Variants in CD247 observed in about 807,000 individuals in gnomAD.
The protein encoded by CD247 is T-cell surface glycoprotein CD3 zeta chain.
Under a neutral mutation model 30.0 loss-of-function variants are expected in CD247, and 13 were observed. That is an observed-to-expected ratio of 0.43 (90% CI 0.28 to 0.69). The LOEUF is 0.69. Ranked by LOEUF, CD247 falls within the 30% of genes least tolerant of loss-of-function variation. CD247 has a pLI of 0.16. For synonymous variants in CD247, 72 were observed against 80.0 expected, an observed-to-expected ratio of 0.90 and a Z score of 0.53; for missense variants, 193 against 212.6, an observed-to-expected ratio of 0.91 and a Z score of 0.57.
chr1:167,485,548 C>T (rs997904474), intron 1 of CD247, among the ~76,000 whole-genome samples: 1 of 152,082 alleles, frequency 6.6e-6, no homozygotes, highest in African/African-American at 2.4e-5. Context: ...ACTCACACAC[C>T]TGCCTTTCCT....
rs1046881843 is a variant in CD247, at chr1:167,434,766, C to T, written c.336+633G>A. On this transcript the variant is annotated intron_variant, in intron 5 of 7. Transcript: ENST00000362089. ...GGGTTTGGGGAGGGAAGGGAGATTA[C>T]TCGGCACTTTTCAGCTAAGGAGACT... 1.8e-4 allele frequency: 80 copies of T among 454,712 alleles called. 1 individual carries two copies. Among genetic ancestry groups the T allele is most frequent in the Admixed American group, 1.5e-3 (65 of 42,558 alleles). The allele number at this position is 454,712 out of a possible 1,614,324, so 28.2% of individuals were successfully genotyped here. A position where few individuals can be genotyped will look rare whatever the true frequency, so the allele number is the denominator to read the frequency against.
chr1:167,496,093 TC>T (rs777326121), intron 1 of CD247, among the ~76,000 whole-genome samples: 3 of 152,240 alleles, frequency 2.0e-5, no homozygotes, highest in Non-Finnish European at 2.9e-5. Flanking sequence ...CCTAGACTGT[TC>T]CTGCTACATA....
At chr1:167,479,867 A>G (rs1214611) in intron 1 of CD247, among the ~76,000 whole-genome samples, 82,473 of 152,052 alleles carry the variant, frequency 0.54, 22,763 homozygotes, top group South Asian at 0.66. Flanking sequence ...CAAATAATTT[A>G]GCACAACTGC....
At chr1:167,508,548 C>A (rs181670925) in intron 1 of CD247, among the ~76,000 whole-genome samples, 1 of 152,098 alleles carries the variant, frequency 6.6e-6, no homozygotes, top group Non-Finnish European at 1.5e-5. Flanking sequence ...CCAATGAAAC[C>A]CAAAGAAAAC....
rs544435120 is a variant in CD247 at position 167,458,992 on chromosome 1, G to A, written c.59-18225C>T. 4.0e-5 allele frequency among the ~76,000 whole-genome samples: 6 copies of A among 151,754 alleles called. No homozygotes were observed. In the South Asian group the frequency reaches 1.3e-3, roughly 32 times the overall value. ...ACAAAAAAAAAAAAATCTGTTAGCT[G>A]AGCACTGTGGCGTGCGCCTGTTATC... On this transcript the variant is annotated intron_variant, in intron 1 of 7. Transcript: ENST00000362089.
intron 1 of CD247, among the ~76,000 whole-genome samples, chr1:167,485,911 G>A (rs1654188332): frequency 6.6e-6 from 1 of 151,728 alleles, no homozygotes; most frequent in Admixed American, 6.6e-5. Context: ...TGCCAAGAAG[G>A]TTGAACAACC....
intron 4 of CD247, among the ~76,000 whole-genome samples, chr1:167,437,680 T>C (rs1256888422): frequency 2.0e-5 from 3 of 152,080 alleles, no homozygotes; most frequent in African/African-American, 7.2e-5. Context: ...CACTGAAGCA[T>C]GGACAGGTAG....
At chr1:167,503,789 C>T (rs1279767625) in intron 1 of CD247, among the ~76,000 whole-genome samples, 1 of 152,036 alleles carries the variant, frequency 6.6e-6, no homozygotes, top group Non-Finnish European at 1.5e-5. Context: ...GAGGACTTGG[C>T]CTGGAGGAGG....
intron 1 of CD247, among the ~76,000 whole-genome samples, chr1:167,472,324 A>G (rs1050643005): frequency 6.6e-6 from 1 of 152,126 alleles, no homozygotes; most frequent in Non-Finnish European, 1.5e-5. Flanking sequence ...TCATTCACTT[A>G]TATTTTCTTG....
At chr1:167,446,200 C>T (rs1323042720) in intron 1 of CD247, among the ~76,000 whole-genome samples, 2 of 152,168 alleles carry the variant, frequency 1.3e-5, no homozygotes, top group Non-Finnish European at 2.9e-5. Flanking sequence ...TGCCATTTTG[C>T]CCACTTTTGA....
chr1:167,498,383 C>T (rs2102092966), intron 1 of CD247, among the ~76,000 whole-genome samples: 1 of 152,298 alleles, frequency 6.6e-6, no homozygotes, highest in East Asian at 1.9e-4. Flanking sequence ...TGAAGAGGGC[C>T]TCAAGGGAGC....
In CD247 at chr1:167,435,379, G is replaced by T; in HGVS notation, c.336+20C>A. ...TTCCTCCAACTTTCCAAGGTCAAAT[G>T]TGAGGTCTCCTCTACTCACATTGTA... On this transcript the variant is annotated intron_variant, in intron 5 of 7. Transcript: ENST00000362089. 1 of 1,597,354 alleles carries T rather than the reference G, an allele frequency of 6.3e-7. No individual in the cohort carries two copies.
chr1:167,437,848 CTAAGAG>C (rs1651620659), intron 4 of CD247, among the ~76,000 whole-genome samples: 1 of 152,122 alleles, frequency 6.6e-6, no homozygotes, highest in African/African-American at 2.4e-5. Flanking sequence ...TTTAATATCT[CTAAGAG>C]TAAGTTGCTA....
intron 1 of CD247, 89 bp from the exon 2 acceptor site, chr1:167,440,856 C>T (rs2101996453): frequency 1.3e-6 from 1 of 780,158 alleles, no homozygotes; most frequent in Non-Finnish European, 2.2e-6. Context: ...ACTGACTGAC[C>T]AAATAAATCA....
intron 1 of CD247, among the ~76,000 whole-genome samples, chr1:167,483,070 A>G (rs1001919306): frequency 7.8e-5 from 11 of 140,900 alleles, no homozygotes; most frequent in African/African-American, 2.9e-4. Context: ...GTGCAATGGC[A>G]TGATCTCGGC....
intron 1 of CD247, among the ~76,000 whole-genome samples, chr1:167,451,320 A>G (rs558520678): frequency 2.0e-5 from 3 of 152,334 alleles, no homozygotes; most frequent in African/African-American, 7.2e-5. Context: ...AACATTTCAA[A>G]GAAAAAATTA....
chr1:167,458,849 C>G (rs1431756941), intron 1 of CD247, among the ~76,000 whole-genome samples: 1 of 151,652 alleles, frequency 6.6e-6, no homozygotes, highest in Non-Finnish European at 1.5e-5. Flanking sequence ...AAATTGGGAG[C>G]AATGGCTCAC....
chr1:167,501,918 G>A lies in CD247; in HGVS notation c.58+16490C>T, dbSNP rs372038397. Among the ~76,000 whole-genome samples the A allele has an allele frequency of 9.3e-4, 142 of 152,354 alleles. 1 individual carries two copies. The South Asian group carries it at 0.029, about 31-fold the overall frequency. The stretch of plus-strand genomic sequence containing the variant: ...CTAAAATCCAAAACAAGCTCTGCCC[G>A]CTTGAATTGCCACTCAGATTCATTT... On this transcript the variant is annotated intron_variant, in intron 1 of 7. Transcript: ENST00000362089.
intron 1 of CD247, among the ~76,000 whole-genome samples, chr1:167,480,465 TCTC>T (rs1310542036): frequency 6.6e-6 from 1 of 152,042 alleles, no homozygotes. Flanking sequence ...CCCCCAGAGC[TCTC>T]CTCCTGCTCA....
Sources: allele counts gnomAD v4.1 joint callset (sites outside exome capture counted in the v4.1 genomes callset), GRCh38; gene constraint gnomAD v4.1.1; transcripts MANE v1.5; gene names NCBI Gene and HGNC (gene_info 2026-07-23, HGNC 2026-07-21).